Variants in SYNE2 observed in about 807,000 individuals in gnomAD.
The protein encoded by SYNE2 is spectrin repeat containing nuclear envelope protein 2, also known as nesprin-2.
A neutral mutation model predicts 856.3 loss-of-function variants in SYNE2; 431 were observed. The observed-to-expected ratio is 0.50, with a 90% CI of 0.47 to 0.55. The LOEUF (loss-of-function observed/expected upper bound fraction) is 0.55, where lower values mean the gene tolerates loss of function less well. Ranked by LOEUF, SYNE2 falls within the 20% of genes least tolerant of loss-of-function variation. The probability of loss-of-function intolerance (pLI) is 0.00; values close to 1 mark genes in which losing one functional copy is unlikely to be tolerated. For missense variants in SYNE2, 8,129 were observed against 8,023.2 expected, an observed-to-expected ratio of 1.01 and a Z score of -0.50; for synonymous variants, 2,923 against 2,872.3, an observed-to-expected ratio of 1.02 and a Z score of -0.56.
chr14:64,164,620 G>C (rs1313595861), intron 89 of SYNE2, among the ~76,000 whole-genome samples: 1 of 152,162 alleles, frequency 6.6e-6, no homozygotes, highest in Non-Finnish European at 1.5e-5. Context: ...TGGAGTTGCA[G>C]TATCACATCT....
intron 2 of SYNE2, among the ~76,000 whole-genome samples, chr14:63,910,190 G>A (rs929752464): frequency 1.3e-5 from 2 of 152,266 alleles, no homozygotes; most frequent in African/African-American, 4.8e-5. Flanking sequence ...TTTTTAGAAT[G>A]TTACTCAAAG....
At position 63,981,015 on chromosome 14, in the gene SYNE2, T is replaced by C. The variant is rs760121337; in HGVS notation, c.1678T>C (p.Tyr560His). The C allele has an allele frequency of 2.4e-5, 38 of 1,568,260 alleles. No homozygotes were observed. Among genetic ancestry groups the C allele is most frequent in the Admixed American group, 3.3e-5 (2 of 59,874 alleles). The change falls in exon 16 of 116, where the codon TAT (tyrosine) becomes CAT (histidine). Residue 560 changes from tyrosine (Y) to histidine (H), a missense_variant. By Grantham distance (83) the Tyr-to-His change is moderately conservative. Coordinates refer to ENST00000555002, the MANE Select transcript of SYNE2 (RefSeq NM_182914.3). ...AGAATGTCAGAATATTAATAAACAG[T>C]ATATGATGGTGAAATCTGATGTTTG... ...AGECQNINKQ[Y>H]MMVKSDVCMY...
At chr14:63,898,890 A>G (rs1047659561) in intron 1 of SYNE2, among the ~76,000 whole-genome samples, 6 of 152,244 alleles carry the variant, frequency 3.9e-5, no homozygotes, top group Non-Finnish European at 7.3e-5. Flanking sequence ...TTATCATCCT[A>G]ACCATTTTTA....
chr14:63,856,115 T>C (rs1344227225), intron 1 of SYNE2, among the ~76,000 whole-genome samples: 2 of 152,194 alleles, frequency 1.3e-5, no homozygotes, highest in Admixed American at 1.3e-4. Context: ...GTGGATTTAT[T>C]GGAACTGAGA....
At chr14:64,200,910 A>G (rs993074030) in intron 99 of SYNE2, among the ~76,000 whole-genome samples, 3 of 152,202 alleles carry the variant, frequency 2.0e-5, no homozygotes, top group African/African-American at 7.2e-5. Flanking sequence ...TCCAGACCAC[A>G]TGTCCTTCTT....
intron 19 of SYNE2, among the ~76,000 whole-genome samples, chr14:63,987,086 T>A (rs1457737764): frequency 1.3e-5 from 2 of 152,106 alleles, no homozygotes; most frequent in African/African-American, 4.8e-5. Flanking sequence ...ATCCCGTCTC[T>A]ACTGAAAATA....
At chr14:63,854,495 T>G (rs1487106823) in intron 1 of SYNE2, among the ~76,000 whole-genome samples, 1 of 152,250 alleles carries the variant, frequency 6.6e-6, no homozygotes. Context: ...TTTCCTGAGA[T>G]AATTACTGAA....
intron 1 of SYNE2, among the ~76,000 whole-genome samples, chr14:63,766,266 G>C (rs1444632343): frequency 2.0e-5 from 3 of 151,952 alleles, no homozygotes; most frequent in Admixed American, 6.6e-5. Flanking sequence ...TTTTAGTGGA[G>C]ACAGGGTTTC....
intron 1 of SYNE2, among the ~76,000 whole-genome samples, chr14:63,857,655 G>A (rs986211416): frequency 6.6e-6 from 1 of 152,150 alleles, no homozygotes; most frequent in South Asian, 2.1e-4. Flanking sequence ...TAGCCATTCT[G>A]TTGGGTGTGT....
At chr14:63,829,744 C>T (rs1392514526) in intron 1 of SYNE2, among the ~76,000 whole-genome samples, 1 of 152,036 alleles carries the variant, frequency 6.6e-6, no homozygotes, top group East Asian at 1.9e-4. Flanking sequence ...AGCCTGCCTC[C>T]CAAATAGCTG....
Position 63,835,078 on chromosome 14 carries a change from G to A in SYNE2, c.-304-17423G>A, listed in dbSNP as rs548023418. 4.4e-4 allele frequency among the ~76,000 whole-genome samples: 67 copies of A among 152,110 alleles called. 1 individual carries two copies. Among genetic ancestry groups the A allele is most frequent in the African/African-American group, 1.5e-3 (64 of 41,504 alleles). ...TTCATTAATTCAACAACTATCTATT[G>A]ACGGCATATTATGTGCCTGCTGTTT... On this transcript the variant is annotated intron_variant, in intron 1 of 23. Transcript: ENST00000674003.
At chr14:64,142,675 G>A (rs541345069) in intron 82 of SYNE2, among the ~76,000 whole-genome samples, 3 of 152,144 alleles carry the variant, frequency 2.0e-5, no homozygotes, top group African/African-American at 4.8e-5. Flanking sequence ...TGAGCTTCTC[G>A]AGACCAGGGG....
At chr14:64,089,765 A>C in intron 59 of SYNE2, 69 bp downstream of exon 59, 1 of 1,313,778 alleles carries the variant, frequency 7.6e-7, no homozygotes, top group Non-Finnish European at 1.1e-6. Context: ...AATATAATAT[A>C]ATGTGATTTA....
Position 64,142,045 on chromosome 14 carries a change from C to A in SYNE2, c.15263C>A (p.Pro5088Gln), listed in dbSNP as rs779934215. 3 of 1,614,062 alleles carry A rather than the reference C, an allele frequency of 1.9e-6. No individual in the cohort carries two copies. Residue 5088 changes from proline (P) to glutamine (Q), a missense_variant, in exon 82 of 116, where the codon CCA (proline) becomes CAA (glutamine). Physicochemically the swap from Pro to Gln is moderately conservative, Grantham distance 76. Transcript: ENST00000555002. The part of the protein sequence containing the change: ...QTSDEDSVHS[P>Q]SSASQVKHLL... Reference sequence around the variant, plus strand: ...TCAGATGAAGACTCCGTGCATTCACCAAGTTCTGCATCTCAAGTTAAACAT... The same window carrying A: ...TCAGATGAAGACTCCGTGCATTCACAAAGTTCTGCATCTCAAGTTAAACAT...
intron 59 of SYNE2, among the ~76,000 whole-genome samples, chr14:64,090,336 T>C (rs1321120873): frequency 1.3e-5 from 2 of 152,234 alleles, no homozygotes; most frequent in East Asian, 3.8e-4. Context: ...ATATGAGATA[T>C]GACTTAGTAC....
At chr14:64,184,360 GTGTA>G (rs746721765) in intron 96 of SYNE2, among the ~76,000 whole-genome samples, 263 of 151,774 alleles carry the variant, frequency 1.7e-3, no homozygotes, top group African/African-American at 6.0e-3. Flanking sequence ...GTGTGTGTGT[GTGTA>G]TGTGTATGAA....
chr14:64,154,900 A>G (rs1306492825), intron 85 of SYNE2, among the ~76,000 whole-genome samples: 1 of 152,202 alleles, frequency 6.6e-6, no homozygotes, highest in Non-Finnish European at 1.5e-5. Flanking sequence ...GTCATTAACC[A>G]TCAAGGAAAT....
At chr14:64,030,637 A>T (rs556621061) in intron 44 of SYNE2, among the ~76,000 whole-genome samples, 107 of 152,336 alleles carry the variant, frequency 7.0e-4, no homozygotes, top group Non-Finnish European at 1.2e-3. Flanking sequence ...CATTAGATTC[A>T]TTGGGTACAT....
At chr14:64,059,319 G>A (rs1444870542) in intron 49 of SYNE2, among the ~76,000 whole-genome samples, 1 of 152,122 alleles carries the variant, frequency 6.6e-6, no homozygotes, top group Non-Finnish European at 1.5e-5. Context: ...GGCTTTCCAG[G>A]TATTCTAAGA....
Sources: allele counts gnomAD v4.1 joint callset (sites outside exome capture counted in the v4.1 genomes callset), GRCh38; gene constraint gnomAD v4.1.1; transcripts MANE v1.5; gene names NCBI Gene and HGNC (gene_info 2026-07-23, HGNC 2026-07-21).